Variants in METTL6 observed in about 807,000 individuals in gnomAD.
METTL6 encodes the protein tRNA N(3)-cytidine methyltransferase METTL6.
METTL6 carries 22 observed loss-of-function variants against 26.4 expected under a neutral mutation model. That is an observed-to-expected ratio of 0.83 (90% confidence interval 0.59 to 1.19). METTL6 has a LOEUF of 1.19. Among genes scored for constraint, METTL6 ranks in the 50% most tolerant of loss-of-function variants. The pLI is 0.00. For synonymous variants in METTL6, 109 were observed against 116.2 expected (o/e 0.94, Z 0.40); for missense variants, 304 against 324.8 (o/e 0.94, Z 0.49).
downstream of METTL6, among the ~76,000 whole-genome samples, chr3:15,409,104 A>G (rs893887872): frequency 3.3e-5 from 5 of 152,206 alleles, no homozygotes; most frequent in African/African-American, 7.2e-5. Flanking sequence ...AGTTGAGGAC[A>G]GATGGCAGAA....
intron 6 of METTL6, chr3:15,384,210 A>T (rs1699134133): frequency 2.8e-6 from 1 of 360,976 alleles, no homozygotes; most frequent in African/African-American, 2.3e-5. Context: ...CAAAAAAGAG[A>T]TAAAAGAAAA....
intron 5 of METTL6, chr3:15,413,818 A>G: frequency 2.0e-6 from 3 of 1,491,112 alleles, no homozygotes; most frequent in Non-Finnish European, 2.7e-6. Flanking sequence ...CACTGACACC[A>G]GAGAAGGCTT....
Position 15,411,351 on chromosome 3 carries a change from C to G in METTL6, c.760G>C (p.Gly254Arg). 2 of 1,614,184 alleles carry G rather than the reference C, an allele frequency of 1.2e-6. No individual in the cohort carries two copies. Among genetic ancestry groups the G allele is most frequent in the Non-Finnish European group, 1.7e-6 (2 of 1,180,032 alleles). Residue 254 changes from glycine to arginine, a missense_variant, in exon 6 of 6, where the codon GGC (glycine) becomes CGC (arginine). Transcript: ENST00000383790. ...VFRETVNKKE[G>R]LCVPRVFLQS... ...AGGAAAACTCTTGGCACACACAGGCCTTCTTTTTTATTCACCGTCTCTCGA... is the reference window on the plus strand; with the variant it reads ...AGGAAAACTCTTGGCACACACAGGCGTTCTTTTTTATTCACCGTCTCTCGA...
chr3:15,415,334 C>CT (rs1700152124), intron 4 of METTL6, among the ~76,000 whole-genome samples: 2 of 152,170 alleles, frequency 1.3e-5, no homozygotes, highest in South Asian at 4.1e-4. Context: ...CATACATTAG[C>CT]TTTTTTTAGA....
At chr3:15,414,443 T>C in intron 4 of METTL6, 1 of 737,054 alleles carries the variant, frequency 1.4e-6, no homozygotes, top group African/African-American at 1.9e-5. Context: ...GCAACCTCCG[T>C]CTCCCACGTT....
chr3:15,416,501 C>A (rs772213171), intron 3 of METTL6, among the ~76,000 whole-genome samples: 9 of 152,128 alleles, frequency 5.9e-5, no homozygotes, highest in Non-Finnish European at 1.2e-4. Flanking sequence ...GTGATCCTCC[C>A]ACTTCAGCCT....
chr3:15,381,514 T>G (rs79619865), exon 7 of METTL6: 15,997 of 152,214 alleles, frequency 0.11, 895 homozygotes, highest in East Asian at 0.23. Context: ...CTCTTATAAA[T>G]CTTTAACATA....
At chr3:15,415,008 C>G in intron 4 of METTL6, 1 of 1,098,318 alleles carries the variant, frequency 9.1e-7, no homozygotes. Context: ...TTCACCATCT[C>G]CTAGTACTCA....
chr3:15,415,495 C>T (rs1446421837), intron 4 of METTL6: 1 of 1,589,892 alleles, frequency 6.3e-7, no homozygotes, highest in South Asian at 1.1e-5. Flanking sequence ...TAACTCCTCT[C>T]ACCTTATAGC....
intron 6 of METTL6, among the ~76,000 whole-genome samples, chr3:15,386,493 A>T (rs947033088): frequency 2.6e-5 from 4 of 152,160 alleles, no homozygotes; most frequent in African/African-American, 9.7e-5. Context: ...GACTTGAGAG[A>T]TCCAAGTGCC....
chr3:15,383,952 C>T, exon 7 of METTL6: 1 of 243,440 alleles, frequency 4.1e-6, no homozygotes, highest in East Asian at 1.6e-4. Flanking sequence ...GAAGTTAGAA[C>T]CCTAAATCTC....
intron 6 of METTL6, among the ~76,000 whole-genome samples, chr3:15,393,729 G>A (rs530398725): frequency 1.3e-5 from 2 of 152,194 alleles, no homozygotes; most frequent in African/African-American, 4.8e-5. Flanking sequence ...TTTGTCAAAG[G>A]CCTTTTCTGC....
At chr3:15,425,987 C>A (rs2061711467) in intron 2 of METTL6, among the ~76,000 whole-genome samples, 1 of 152,184 alleles carries the variant, frequency 6.6e-6, no homozygotes, top group Non-Finnish European at 1.5e-5. Context: ...TGTCACCAGG[C>A]TGGAGTGCAG....
chr3:15,383,685 ATTAT>A (rs1264629116), exon 7 of METTL6: 2 of 152,418 alleles, frequency 1.3e-5, no homozygotes, highest in African/African-American at 2.4e-5. Context: ...CCATATATAT[ATTAT>A]TTGTCAATTA....
At chr3:15,399,522 A>G (rs1467210781) in intron 6 of METTL6, 1 of 149,060 alleles carries the variant, frequency 6.7e-6, no homozygotes, top group Admixed American at 6.8e-5. Context: ...AGAAAAAGAG[A>G]GAGAGAGAGT....
At chr3:15,416,417 A>C (rs527317501) in intron 3 of METTL6, among the ~76,000 whole-genome samples, 2 of 152,066 alleles carry the variant, frequency 1.3e-5, no homozygotes, top group South Asian at 2.1e-4. Flanking sequence ...CATCTGGCTA[A>C]ATTTTTATTT....
chr3:15,384,256 C>G (rs1355790737), intron 6 of METTL6: 1 of 298,808 alleles, frequency 3.3e-6, no homozygotes, highest in African/African-American at 2.3e-5. Context: ...AAATGAAGCC[C>G]ATGTTGACAA....
chr3:15,403,950 T>C (rs755464506), intron 6 of METTL6, among the ~76,000 whole-genome samples: 2 of 152,222 alleles, frequency 1.3e-5, no homozygotes, highest in Non-Finnish European at 2.9e-5. Flanking sequence ...GCTGGTGGAC[T>C]GTAGCAGTGA....
chr3:15,414,899 G>T, intron 4 of METTL6: 2 of 1,063,620 alleles, frequency 1.9e-6, no homozygotes, highest in Non-Finnish European at 2.5e-6. Context: ...TCCAGCCTGA[G>T]TGACACAGCA....
Sources: allele counts gnomAD v4.1 joint callset (sites outside exome capture counted in the v4.1 genomes callset), GRCh38; gene constraint gnomAD v4.1.1; transcripts MANE v1.5; gene names NCBI Gene and HGNC (gene_info 2026-07-23, HGNC 2026-07-21).